PRKCA: variants seen among roughly 807,000 people sequenced by gnomAD.
PRKCA encodes protein kinase C alpha type.
Under a neutral mutation model 87.0 loss-of-function variants are expected in PRKCA, and 27 were observed. The observed-to-expected ratio is 0.31, with a 90% CI of 0.23 to 0.43. PRKCA has a LOEUF of 0.43. Ranked by LOEUF, PRKCA falls within the 20% of genes least tolerant of loss-of-function variation. PRKCA has a pLI of 1.00. For synonymous variants in PRKCA, 329 were observed against 311.1 expected (o/e 1.06, Z -0.61); for missense variants, 518 against 852.3 (o/e 0.61, Z 4.88).
intron 1 of PRKCA, among the ~76,000 whole-genome samples, chr17:66,303,924 C>T (rs908649355): frequency 3.4e-4 from 51 of 152,186 alleles, no homozygotes; most frequent in African/African-American, 1.2e-3. Context: ...CGCTTGAACC[C>T]GGGAGGCGGA....
At position 66,807,896 on chromosome 17, in the gene PRKCA, A is replaced by G. The variant is rs1244934362; in HGVS notation, c.*3859A>G. 2 of 152,306 alleles carry G rather than the reference A, an allele frequency of 1.3e-5. No individual in the cohort carries two copies. The highest frequency in any genetic ancestry group is 2.9e-5 in the Non-Finnish European group (2 of 68,132). 9.4% of individuals were successfully genotyped at this position (152,306 alleles called of 1,614,324 possible). ...TGGGTGCATCCAGAAATATGCCTGC[A>G]GTAGGAGGGAGAGGAAGGGGTGCCA... is the stretch of plus-strand genomic sequence containing the variant. On this transcript the variant is annotated 3_prime_UTR_variant, in exon 17 of 17. Transcript: ENST00000413366. The surrounding 1 kb of genome is among the most constrained non-coding windows in gnomAD (Gnocchi z 4.3).
chr17:66,366,479 G>C (rs1908733557), intron 2 of PRKCA, among the ~76,000 whole-genome samples: 1 of 152,152 alleles, frequency 6.6e-6, no homozygotes, highest in Non-Finnish European at 1.5e-5. Flanking sequence ...AAGGCGATTG[G>C]GCAGTTTTGT....
At chr17:66,693,908 G>T (rs942447945) in intron 8 of PRKCA, among the ~76,000 whole-genome samples, 1 of 152,140 alleles carries the variant, frequency 6.6e-6, no homozygotes, top group Admixed American at 6.5e-5. Context: ...TTCTGGTTTA[G>T]CCCGTAGGCT....
chr17:66,794,340 A>C lies in PRKCA; in HGVS notation c.1854+5361A>C, dbSNP rs192545115. Among the ~76,000 whole-genome samples the C allele has an allele frequency of 2.6e-5, 4 of 152,358 alleles. No homozygotes were observed. The East Asian group carries it at 7.7e-4, about 29-fold the overall frequency. ...CATTGAGGACATCCCTGTAGTGAGA[A>C]CACACAATCGGGGTTCCTTTTCCCA... On this transcript the variant is annotated intron_variant, in intron 16 of 16. Transcript: ENST00000413366.
intron 5 of PRKCA, among the ~76,000 whole-genome samples, chr17:66,665,260 G>A (rs1282864408): frequency 6.6e-6 from 1 of 152,108 alleles, no homozygotes; most frequent in Non-Finnish European, 1.5e-5. Context: ...TTTAAATGGA[G>A]GCATAGAGGA....
chr17:66,569,483 C>T (rs1294730718), intron 3 of PRKCA, among the ~76,000 whole-genome samples: 3 of 152,104 alleles, frequency 2.0e-5, no homozygotes, highest in Admixed American at 6.6e-5. Context: ...ACAGGAGAAT[C>T]GCTTGAACCC....
chr17:66,394,077 A>G (rs1910525241), intron 2 of PRKCA, among the ~76,000 whole-genome samples: 1 of 152,200 alleles, frequency 6.6e-6, no homozygotes, highest in Non-Finnish European at 1.5e-5. Context: ...TGTCTCAAAA[A>G]AAAAGAAAGA....
At chr17:66,446,777 TG>T (rs942521098) in intron 2 of PRKCA, among the ~76,000 whole-genome samples, 4 of 152,062 alleles carry the variant, frequency 2.6e-5, no homozygotes, top group Admixed American at 2.6e-4. Context: ...TGGGCTGCAG[TG>T]GAAGAGGATC....
intron 3 of PRKCA, among the ~76,000 whole-genome samples, chr17:66,521,444 T>C (rs1474938322): frequency 1.3e-5 from 2 of 152,234 alleles, no homozygotes; most frequent in East Asian, 1.9e-4. Flanking sequence ...TCTTTAATTC[T>C]CAATTGCTTT....
intron 15 of PRKCA, among the ~76,000 whole-genome samples, chr17:66,788,559 A>G (rs1188836274): frequency 1.3e-5 from 2 of 151,838 alleles, no homozygotes; most frequent in Non-Finnish European, 2.9e-5. Context: ...ACAACGTGTG[A>G]GATGTCTGTT....
chr17:66,343,711 G>C (rs1035639643), intron 2 of PRKCA, among the ~76,000 whole-genome samples: 4 of 152,066 alleles, frequency 2.6e-5, no homozygotes, highest in African/African-American at 9.7e-5. Flanking sequence ...TAGATATAAA[G>C]GGGGGGTTGA....
At chr17:66,625,648 G>C (rs1469975583) in intron 3 of PRKCA, among the ~76,000 whole-genome samples, 1 of 152,076 alleles carries the variant, frequency 6.6e-6, no homozygotes, top group East Asian at 1.9e-4. Flanking sequence ...CTGTCTATTT[G>C]AGCTACTTGG....
intron 12 of PRKCA, 42 bp from the exon 13 acceptor site, chr17:66,742,578 TTA>T: frequency 6.2e-7 from 1 of 1,601,856 alleles, no homozygotes; most frequent in Admixed American, 1.7e-5. Context: ...GCAAACCATG[TTA>T]TGTCATGGGA....
intron 13 of PRKCA, among the ~76,000 whole-genome samples, chr17:66,757,372 G>A (rs1051925121): frequency 6.6e-6 from 1 of 152,148 alleles, no homozygotes; most frequent in African/African-American, 2.4e-5. Context: ...CTGAATTAAT[G>A]TCAGACACCA....
intron 2 of PRKCA, among the ~76,000 whole-genome samples, chr17:66,390,812 A>G (rs960505077): frequency 6.6e-6 from 1 of 152,212 alleles, no homozygotes; most frequent in Admixed American, 6.5e-5. Context: ...ATAGTTGGCA[A>G]ACAGCTCCAC....
At chr17:66,412,682 T>A (rs1258696515) in intron 2 of PRKCA, 1 of 152,200 alleles carries the variant, frequency 6.6e-6, no homozygotes, top group Non-Finnish European at 1.5e-5. Context: ...GCTTTTGACT[T>A]ACTTTAGTAG....
intron 2 of PRKCA, among the ~76,000 whole-genome samples, chr17:66,308,191 T>A (rs6504413): frequency 0.15 from 22,920 of 152,178 alleles, 2,243 homozygotes; most frequent in African/African-American, 0.27. Flanking sequence ...AGTGTGTATG[T>A]GTGCATCTTA....
chr17:66,710,268 G>A (rs905502595), intron 8 of PRKCA, among the ~76,000 whole-genome samples: 1 of 152,052 alleles, frequency 6.6e-6, no homozygotes, highest in Non-Finnish European at 1.5e-5. Context: ...CCTGACCCTG[G>A]TGCTGTGTCT....
At chr17:66,658,828 A>G (rs899212365) in intron 5 of PRKCA, among the ~76,000 whole-genome samples, 1 of 152,182 alleles carries the variant, frequency 6.6e-6, no homozygotes, top group African/African-American at 2.4e-5. Context: ...TGGTGTAGCT[A>G]TAACCACAGT....
Sources: gnomAD v4.1 joint callset for allele counts (sites outside exome capture counted in the v4.1 genomes callset) on GRCh38, gnomAD v4.1.1 for gene constraint, Gnocchi (gnomAD v3.1) non-coding constraint, MANE v1.5 for transcripts, NCBI Gene and HGNC (gene_info 2026-07-23, HGNC 2026-07-21) for gene names.